Variants in KLF12 observed in about 807,000 individuals in gnomAD.
KLF12 encodes the protein KLF transcription factor 12.
In KLF12, 9 loss-of-function variants were observed where a neutral mutation model predicts 37.8. The ratio of observed to expected loss-of-function variants is 0.24; its 90% CI spans 0.14 to 0.42. The LOEUF is 0.42. Ranked by LOEUF, KLF12 falls within the 10% of genes least tolerant of loss-of-function variation. The probability of loss-of-function intolerance (pLI) is 1.00; values close to 1 mark genes in which losing one functional copy is unlikely to be tolerated. For missense variants in KLF12, 411 were observed against 516.0 expected (o/e 0.80, Z 1.97); for synonymous variants, 208 against 202.1 (o/e 1.03, Z -0.25).
At chr13:74,240,116 G>C in the KLF12 span, among the ~76,000 whole-genome samples, 12 of 152,184 alleles carry the variant, frequency 7.9e-5, no homozygotes, top group East Asian at 1.4e-3. Context: ...GCTTCCTTCA[G>C]GAGCTCTTGT....
At chr13:74,234,620 A>C in the KLF12 span, among the ~76,000 whole-genome samples, 1 of 152,186 alleles carries the variant, frequency 6.6e-6, no homozygotes, top group Non-Finnish European at 1.5e-5. Flanking sequence ...GTATTGGAGC[A>C]AAGGAAAAGT....
At chr13:73,831,268 G>A (rs1884141985) in intron 4 of KLF12, among the ~76,000 whole-genome samples, 1 of 152,104 alleles carries the variant, frequency 6.6e-6, no homozygotes, top group Non-Finnish European at 1.5e-5. Context: ...CCACTCTTAA[G>A]CTGTGCCCTT....
chr13:73,779,801 T>C (rs1880847851), intron 5 of KLF12, among the ~76,000 whole-genome samples: 1 of 152,224 alleles, frequency 6.6e-6, no homozygotes, highest in Non-Finnish European at 1.5e-5. Flanking sequence ...TAGAATTTAA[T>C]TGAATTGTTG....
intron 3 of KLF12, among the ~76,000 whole-genome samples, chr13:73,884,653 C>T (rs545200774): frequency 5.3e-5 from 8 of 152,344 alleles, no homozygotes; most frequent in Non-Finnish European, 1.0e-4. Context: ...TCTGTGCTGT[C>T]CCATATGGCA....
At chr13:74,185,130 T>C in the KLF12 span, among the ~76,000 whole-genome samples, 5 of 152,240 alleles carry the variant, frequency 3.3e-5, no homozygotes, top group Non-Finnish European at 7.3e-5. Context: ...TCCAGCAAGA[T>C]GGAGTTGAGG....
intron 6 of KLF12, among the ~76,000 whole-genome samples, chr13:73,736,145 C>G (rs1877450611): frequency 6.6e-6 from 1 of 152,076 alleles, no homozygotes; most frequent in Non-Finnish European, 1.5e-5. Context: ...ACTCCTAAAC[C>G]CTACTAACTG....
chr13:73,918,738 A>G (rs1888970210), intron 3 of KLF12, among the ~76,000 whole-genome samples: 1 of 152,194 alleles, frequency 6.6e-6, no homozygotes, highest in Non-Finnish European at 1.5e-5. Context: ...CCTGATCTTG[A>G]GTTTGGCTAG....
the KLF12 span, among the ~76,000 whole-genome samples, chr13:74,158,361 G>A: frequency 2.0e-5 from 3 of 152,188 alleles, no homozygotes; most frequent in East Asian, 1.9e-4. Flanking sequence ...GCAATCTGCC[G>A]CCAGGATTGG....
At chr13:73,962,018 T>C (rs1300610911) in intron 2 of KLF12, 1 of 455,038 alleles carries the variant, frequency 2.2e-6, no homozygotes, top group Non-Finnish European at 4.4e-6. Flanking sequence ...TGAAATTATG[T>C]CCATGCAACC....
intron 6 of KLF12, among the ~76,000 whole-genome samples, chr13:73,736,472 A>G (rs1462125278): frequency 1.3e-5 from 2 of 152,140 alleles, no homozygotes; most frequent in Non-Finnish European, 2.9e-5. Context: ...AATAATCCCT[A>G]TACTAGAAAA....
intron 1 of KLF12, among the ~76,000 whole-genome samples, chr13:74,020,731 A>G (rs1397625941): frequency 6.6e-6 from 1 of 152,074 alleles, no homozygotes; most frequent in Admixed American, 6.5e-5. Flanking sequence ...TCTACTAAAA[A>G]CACAAAAAAA....
the KLF12 span, among the ~76,000 whole-genome samples, chr13:74,233,402 A>G: frequency 1.3e-5 from 2 of 152,172 alleles, no homozygotes; most frequent in Non-Finnish European, 1.5e-5. Flanking sequence ...TATGTCACAT[A>G]TACGTGGCCA....
chr13:73,822,037 A>C (rs1218789117), intron 4 of KLF12, among the ~76,000 whole-genome samples: 2 of 152,236 alleles, frequency 1.3e-5, no homozygotes, highest in African/African-American at 4.8e-5. Flanking sequence ...CACGTCAATT[A>C]TACTCCCTTG....
At chr13:74,071,641 C>A (rs1397906688) in intron 1 of KLF12, among the ~76,000 whole-genome samples, 2 of 152,038 alleles carry the variant, frequency 1.3e-5, no homozygotes, top group Non-Finnish European at 2.9e-5. Flanking sequence ...TGCAGTGAGC[C>A]AAGATCGCAC....
intron 2 of KLF12, among the ~76,000 whole-genome samples, chr13:73,985,743 A>C (rs1290354805): frequency 6.6e-6 from 1 of 152,168 alleles, no homozygotes; most frequent in Non-Finnish European, 1.5e-5. Flanking sequence ...CCTCTCACAG[A>C]TTTTGCTCCC....
Position 73,889,115 on chromosome 13 carries a change from A to T in KLF12, c.124-42742T>A, listed in dbSNP as rs1374948281. Among the ~76,000 whole-genome samples, 9 of 152,226 alleles carry T rather than the reference A, an allele frequency of 5.9e-5. No individual in the cohort carries two copies. In the East Asian group the frequency reaches 1.7e-3, roughly 29 times the overall value. ...TATAATTTCTGGTAGAATCCACGGG[A>T]GTGTGTGTGCCTCTCTCCTTTTAGA... On this transcript the variant is annotated intron_variant, in intron 3 of 7. Transcript: ENST00000377669.
At chr13:74,119,679 G>A (rs1423371928) in intron 1 of KLF12, among the ~76,000 whole-genome samples, 3 of 152,302 alleles carry the variant, frequency 2.0e-5, no homozygotes, top group Non-Finnish European at 2.9e-5. Context: ...ATAGATGGGG[G>A]AGAGGTGCAG....
At chr13:73,789,907 A>G (rs182850489) in intron 5 of KLF12, among the ~76,000 whole-genome samples, 2 of 152,138 alleles carry the variant, frequency 1.3e-5, no homozygotes, top group African/African-American at 4.8e-5. Flanking sequence ...CGATCTCCTG[A>G]CCTTGTGATC....
At chr13:74,140,207 C>A in the KLF12 span, among the ~76,000 whole-genome samples, 1 of 152,104 alleles carries the variant, frequency 6.6e-6, no homozygotes, top group Non-Finnish European at 1.5e-5. Context: ...AACCTACTGT[C>A]AAATTATTTT....
Sources: allele counts gnomAD v4.1 joint callset (sites outside exome capture counted in the v4.1 genomes callset), GRCh38; gene constraint gnomAD v4.1.1; transcripts MANE v1.5; gene names NCBI Gene and HGNC (gene_info 2026-07-23, HGNC 2026-07-21).